The following FUBP1 variants were observed in gnomAD, a reference collection of about 807,000 sequenced individuals.
FUBP1 encodes the protein far upstream element binding protein 1, also known as far upstream element-binding protein 1.
A neutral mutation model predicts 94.9 loss-of-function variants in FUBP1; 16 were observed. The observed-to-expected ratio is 0.17, with a 90% CI of 0.11 to 0.26. The LOEUF (loss-of-function observed/expected upper bound fraction) is 0.26. Among genes scored for constraint, FUBP1 ranks in the 10% least tolerant of loss-of-function variants. The probability of loss-of-function intolerance (pLI) is 1.00; values close to 1 mark genes in which losing one functional copy is unlikely to be tolerated. For missense variants in FUBP1, 583 were observed against 808.6 expected (o/e 0.72, Z 3.38); for synonymous variants, 279 against 254.9 (o/e 1.09, Z -0.90).
chr1:77,956,497 T>C, intron 17 of FUBP1, 75 bp downstream of exon 17: 1 of 857,832 alleles, frequency 1.2e-6, no homozygotes, highest in Non-Finnish European at 1.8e-6. Flanking sequence ...ATTTTAGGTA[T>C]TATACAGTGA....
In FUBP1 at chr1:77,944,366, G is replaced by C. The variant is rs1383716168; in HGVS notation, c.*4400C>G. ...CAAATACATTTAAGAGTTTCTATAGGGGTATCACTGAAGAAAATAAAACCC... is the reference window on the plus strand; with the variant it reads ...CAAATACATTTAAGAGTTTCTATAGCGGTATCACTGAAGAAAATAAAACCC... On this transcript the variant is annotated 3_prime_UTR_variant, in exon 20 of 20. Transcript: ENST00000370768. 5.0e-6 allele frequency: 1 copy of C among 199,626 alleles called. No homozygotes were observed. Among genetic ancestry groups the C allele is most frequent in the Non-Finnish European group, 1.0e-5 (1 of 96,606 alleles). The allele number at this position is 199,626 out of a possible 1,614,324, so 12.4% of individuals were successfully genotyped here. A position where few individuals can be genotyped will look rare whatever the true frequency, so the allele number is the denominator to read the frequency against.
chr1:77,964,437 T>G, intron 10 of FUBP1, 81 bp from the exon 11 acceptor site: 1 of 866,348 alleles, frequency 1.2e-6, no homozygotes, highest in Non-Finnish European at 1.8e-6. Context: ...AAAAGCGCCA[T>G]TTCCTGAAAA....
At position 77,963,476 on chromosome 1, in the gene FUBP1, G is replaced by T. The variant is rs1429381134; in HGVS notation, c.1183+98C>A. On this transcript the variant is annotated intron_variant, in intron 13 of 19. Coordinates refer to ENST00000370768, the MANE Select transcript of FUBP1 (RefSeq NM_003902.5). ...AAGAATTCTTTTCTACTAAAATACGGTCAGAGAAAAAGCATTGCCACTTGT... is the reference window on the plus strand; with the variant it reads ...AAGAATTCTTTTCTACTAAAATACGTTCAGAGAAAAAGCATTGCCACTTGT... The T allele has an allele frequency of 3.4e-5, 21 of 619,926 alleles. No individual in the cohort carries two copies. In the South Asian group the frequency reaches 4.7e-4, roughly 14 times the overall value. 38.4% of individuals were successfully genotyped at this position (619,926 alleles called of 1,614,324 possible).
In FUBP1 at chr1:77,964,288, T is replaced by C. The variant is rs747225393; in HGVS notation, c.906A>G (p.Gln302=). The C allele has an allele frequency of 2.7e-5, 43 of 1,609,626 alleles. No homozygotes were observed. The highest frequency in any genetic ancestry group is 8.3e-5 in the Admixed American group (5 of 60,000). ...ACTGAATGCGAACACCAGCATCATT[T>C]TGTATTTTTTTGATCATCTCTCCAT... ...GRNGEMIKKI[Q]NDAGVRIQFK... is the part of the protein sequence containing the mutation. The change falls in exon 11 of 20, where the codon CAA becomes CAG. Residue 302 remains glutamine, a synonymous_variant. Coordinates refer to ENST00000370768, the MANE Select transcript of FUBP1 (RefSeq NM_003902.5).
At chr1:77,964,779 G>A in intron 9 of FUBP1, 32 bp from the exon 10 acceptor site, 1 of 1,530,282 alleles carries the variant, frequency 6.5e-7, no homozygotes, top group Non-Finnish European at 9.1e-7. Flanking sequence ...AATTTAGAAA[G>A]CATGTCTCAA....
intron 1 of FUBP1, among the ~76,000 whole-genome samples, chr1:77,971,595 C>T (rs1168516182): frequency 2.0e-5 from 3 of 152,050 alleles, no homozygotes; most frequent in African/African-American, 7.2e-5. Flanking sequence ...ATATCAGTTC[C>T]CATATACCAA....
At chr1:77,967,512 T>C (rs1656728328) in intron 4 of FUBP1, 115 bp downstream of exon 4, 3 of 771,678 alleles carry the variant, frequency 3.9e-6, no homozygotes, top group Non-Finnish European at 6.5e-6. Flanking sequence ...TGATATGAAC[T>C]AGGTACACCA....
chr1:77,978,835 C>T, intron 1 of FUBP1, 50 bp downstream of exon 1: 3 of 1,608,894 alleles, frequency 1.9e-6, no homozygotes, highest in East Asian at 2.2e-5. Context: ...ACTCAGTCAG[C>T]GGCCAATTAC....
chr1:77,963,454 A>T (rs1655893681), intron 13 of FUBP1, 120 bp downstream of exon 13: 2 of 568,942 alleles, frequency 3.5e-6, no homozygotes, highest in East Asian at 6.0e-5. Context: ...TTAACATAAG[A>T]ATTCTTTTCT....
At chr1:77,965,011 G>C in intron 8 of FUBP1, 43 bp from the exon 9 acceptor site, 1 of 1,584,792 alleles carries the variant, frequency 6.3e-7, no homozygotes, top group Non-Finnish European at 8.7e-7. Context: ...AAAAGGAAGT[G>C]GACAAAAATG....
chr1:77,953,342 T>C (rs1170631929), intron 18 of FUBP1, among the ~76,000 whole-genome samples: 1 of 150,964 alleles, frequency 6.6e-6, no homozygotes, highest in East Asian at 2.0e-4. Flanking sequence ...ATACAAAAAA[T>C]CAGCCGGATG....
chr1:77,953,577 A>C (rs942702596), intron 18 of FUBP1, among the ~76,000 whole-genome samples: 4 of 152,304 alleles, frequency 2.6e-5, no homozygotes, highest in Middle Eastern at 3.4e-3. Context: ...TTCTTTAGTC[A>C]TACAGCATTA....
At chr1:77,970,141 AAAAATT>A (rs1391542050) in intron 1 of FUBP1, 126 bp from the exon 2 acceptor site, 19 of 457,010 alleles carry the variant, frequency 4.2e-5, no homozygotes, top group Non-Finnish European at 6.2e-5. Context: ...AATTTACTTG[AAAAATT>A]AAAATTATAG....
intron 1 of FUBP1, among the ~76,000 whole-genome samples, chr1:77,972,816 T>C (rs1361224053): frequency 1.3e-5 from 2 of 150,982 alleles, no homozygotes; most frequent in Non-Finnish European, 3.0e-5. Context: ...AAGTTGACAG[T>C]TCACACTAAA....
At chr1:77,968,613 G>A (rs1421161063) in intron 2 of FUBP1, among the ~76,000 whole-genome samples, 1 of 149,338 alleles carries the variant, frequency 6.7e-6, no homozygotes, top group Non-Finnish European at 1.5e-5. Flanking sequence ...ATATTAAAGT[G>A]TATCTGACAG....
In FUBP1 at chr1:77,945,916, GTTAT is replaced by G. The variant is rs1652050409; in HGVS notation, c.*2846_*2849del. 4.8e-6 allele frequency: 1 copy of G among 207,748 alleles called. No homozygotes were observed. Among genetic ancestry groups the G allele is most frequent in the African/African-American group, 2.3e-5 (1 of 43,846 alleles). 12.9% of individuals were successfully genotyped at this position (207,748 alleles called of 1,614,324 possible). On this transcript the variant is annotated 3_prime_UTR_variant, in exon 20 of 20. Transcript: ENST00000370768. ...TACTGATTGCTACAGATTATGAAAG[GTTAT>G]TTGCTATACAGTTAACATTTCACTG...
chr1:77,951,943 C>T (rs971208584), intron 18 of FUBP1, among the ~76,000 whole-genome samples: 3 of 152,120 alleles, frequency 2.0e-5, no homozygotes, highest in East Asian at 1.9e-4. Flanking sequence ...ATCATAATGG[C>T]CTTCCTCAAG....
chr1:77,977,032 T>C (rs957083000), intron 1 of FUBP1, among the ~76,000 whole-genome samples: 14 of 152,324 alleles, frequency 9.2e-5, no homozygotes, highest in African/African-American at 1.7e-4. Context: ...ACTTAGGAAA[T>C]TGGGCATCCC....
intron 1 of FUBP1, among the ~76,000 whole-genome samples, chr1:77,974,109 AC>A (rs1366996526): frequency 1.4e-5 from 2 of 147,370 alleles, no homozygotes; most frequent in Non-Finnish European, 3.0e-5. Context: ...ACAGGCAAGC[AC>A]CACCACGTCT....
Sources: allele counts gnomAD v4.1 joint callset (sites outside exome capture counted in the v4.1 genomes callset), GRCh38; gene constraint gnomAD v4.1.1; transcripts MANE v1.5; gene names NCBI Gene and HGNC (gene_info 2026-07-23, HGNC 2026-07-21).